MED25: variants seen among roughly 807,000 people sequenced by gnomAD.
MED25 encodes mediator of RNA polymerase II transcription subunit 25.
MED25 carries 62 observed loss-of-function variants against 89.4 expected under a neutral mutation model. That is an observed-to-expected ratio of 0.69 (90% CI 0.57 to 0.86). MED25 has a LOEUF of 0.86. Ranked by LOEUF, MED25 falls within the 40% of genes least tolerant of loss-of-function variation. MED25 has a pLI of 0.00. For missense variants in MED25, 905 were observed against 1,005.2 expected (o/e 0.90, Z 1.35); for synonymous variants, 449 against 427.9 (o/e 1.05, Z -0.61).
In MED25 at chr19:49,835,674, A is replaced by G. The variant is rs993704322; in HGVS notation, c.1747-53A>G. 6.3e-7 allele frequency: 1 copy of G among 1,583,078 alleles called. No individual in the cohort carries two copies. Among genetic ancestry groups the G allele is most frequent in the African/African-American group, 1.4e-5 (1 of 73,928 alleles). On this transcript the variant is annotated intron_variant, in intron 15 of 17. Coordinates refer to ENST00000312865, the MANE Select transcript of MED25 (RefSeq NM_030973.4). This position sits in a 1 kb window ranked among gnomAD's most constrained non-coding sequence, Gnocchi z 6.2. ...CCAAGGCTGCGCTCTGTGCCTGCAG[A>G]AGGGGCGTGAGGCCCTGCCCATCTC...
rs907556000 is a variant in MED25 at position 49,836,212 on chromosome 19, C to T, written c.1966-14C>T. The T allele has an allele frequency of 6.2e-7, 1 of 1,611,416 alleles. No homozygotes were observed. Among genetic ancestry groups the T allele is most frequent in the Non-Finnish European group, 8.5e-7 (1 of 1,179,618 alleles). The stretch of plus-strand genomic sequence containing the variant: ...CTACCAGGAGCCTCTGAGCCACTCT[C>T]TGTGTTCTCCCAGCCGCAGACTGGG... On this transcript the variant is annotated splice_polypyrimidine_tract_variant and intron_variant, in intron 16 of 17. Coordinates refer to ENST00000312865, the MANE Select transcript of MED25 (RefSeq NM_030973.4). The surrounding 1 kb of genome is among the most constrained non-coding windows in gnomAD (Gnocchi z 5.1).
chr19:49,825,933 C>T (rs561942761), intron 3 of MED25, among the ~76,000 whole-genome samples: 2 of 152,026 alleles, frequency 1.3e-5, no homozygotes, highest in Non-Finnish European at 2.9e-5. Context: ...GGTTTTGGCT[C>T]GAGTCCCAGA....
At chr19:49,822,995 T>G (rs2073993736) in intron 3 of MED25, among the ~76,000 whole-genome samples, 1 of 151,328 alleles carries the variant, frequency 6.6e-6, no homozygotes, top group Admixed American at 6.6e-5. Flanking sequence ...GTTGCCCAGA[T>G]TGGAGTGCAG....
Position 49,836,866 on chromosome 19 carries a change from G to T in MED25, c.2166G>T (p.Gly722=), listed in dbSNP as rs779327632. The part of the protein sequence containing the change: ...APLPGQMLLS[G]GPRGPVPQPG... ...CCTCAGGTCAGATGCTGCTGAGCGG[G>T]GGTCCCCGGGGCCCGGTCCCCCAGC... is the stretch of plus-strand genomic sequence containing the variant. Residue 722 remains glycine (G), a synonymous_variant, in exon 18 of 18, where the codon GGG becomes GGT. Transcript: ENST00000312865. This position sits in a 1 kb window ranked among gnomAD's most constrained non-coding sequence, Gnocchi z 5.1. 1 of 1,611,666 alleles carries T rather than the reference G, an allele frequency of 6.2e-7. No individual in the cohort carries two copies. Among genetic ancestry groups the T allele is most frequent in the Non-Finnish European group, 8.5e-7 (1 of 1,179,376 alleles).
Position 49,836,059 on chromosome 19 carries a change from G to T in MED25, c.1965+114G>T. On this transcript the variant is annotated intron_variant, in intron 16 of 17. Transcript: ENST00000312865. The surrounding 1 kb of genome is among the most constrained non-coding windows in gnomAD (Gnocchi z 5.1). ...GGTCAGTGGGTGTGAATGGGGACCC[G>T]CCCAGGGCTTTAGGCAGAAGGCAGA... 6.5e-7 allele frequency: 1 copy of T among 1,547,614 alleles called. No individual in the cohort carries two copies.
At chr19:49,822,292 A>G (rs1319044000) in intron 3 of MED25, among the ~76,000 whole-genome samples, 1 of 119,282 alleles carries the variant, frequency 8.4e-6, no homozygotes, top group Non-Finnish European at 1.7e-5. Context: ...AAACCATACA[A>G]AAATTAATCA....
chr19:49,819,161 T>C lies in MED25; in HGVS notation c.181-11T>C. ...GTCCCAGATTAAAAGTTTTCTGTCC[T>C]CCCCTCCCAGTATGGGGGGACCCAG... On this transcript the variant is annotated splice_polypyrimidine_tract_variant and intron_variant, in intron 2 of 17. Coordinates refer to ENST00000312865, the MANE Select transcript of MED25 (RefSeq NM_030973.4). 1 of 1,614,078 alleles carries C rather than the reference T, an allele frequency of 6.2e-7. No individual in the cohort carries two copies. The highest frequency in any genetic ancestry group is 8.5e-7 in the Non-Finnish European group (1 of 1,179,976).
At chr19:49,818,683 A>C (rs960983157) in intron 2 of MED25, 67 bp downstream of exon 2, 3 of 1,444,458 alleles carry the variant, frequency 2.1e-6, no homozygotes, top group Admixed American at 3.4e-5. Flanking sequence ...GGTCTGAGGG[A>C]GGGAGAAAGG....
downstream of MED25, among the ~76,000 whole-genome samples, chr19:49,837,502 A>C (rs1047232483): frequency 6.6e-6 from 1 of 152,184 alleles, no homozygotes; most frequent in African/African-American, 2.4e-5. Flanking sequence ...CAGGAGAACC[A>C]GGAGGCTTTG....
chr19:49,823,325 T>C (rs1220460757), intron 3 of MED25, among the ~76,000 whole-genome samples: 1 of 152,202 alleles, frequency 6.6e-6, no homozygotes, highest in Non-Finnish European at 1.5e-5. Flanking sequence ...AGGAGGAGAC[T>C]ACCCAGTGTG....
intron 3 of MED25, chr19:49,819,810 G>A (rs1190620378): frequency 5.4e-6 from 1 of 184,900 alleles, no homozygotes; most frequent in Non-Finnish European, 1.1e-5. Context: ...AGATCCCTCT[G>A]TGGCTTGGGT....
intron 3 of MED25, among the ~76,000 whole-genome samples, chr19:49,822,640 CTTTTTTT>C (rs536060694): frequency 2.9e-5 from 2 of 68,246 alleles, no homozygotes; most frequent in African/African-American, 6.3e-5. Context: ...CTGTTACATT[CTTTTTTT>C]TTTTTTTTTT....
intron 3 of MED25, among the ~76,000 whole-genome samples, chr19:49,822,500 C>T (rs1234061250): frequency 6.6e-6 from 1 of 151,916 alleles, no homozygotes; most frequent in Non-Finnish European, 1.5e-5. Flanking sequence ...GTTTTGAACT[C>T]CTGGTCTCAA....
chr19:49,836,890 G>C lies in MED25; in HGVS notation c.2190G>C (p.Gln730His). 6.2e-7 allele frequency: 1 copy of C among 1,612,788 alleles called. No homozygotes were observed. Among genetic ancestry groups the C allele is most frequent in the Non-Finnish European group, 8.5e-7 (1 of 1,179,792 alleles). ...GGGGTCCCCGGGGCCCGGTCCCCCAGCCGGGCCTGCAGCCCAGCGTCATGG... is the reference window on the plus strand; with the variant it reads ...GGGGTCCCCGGGGCCCGGTCCCCCACCCGGGCCTGCAGCCCAGCGTCATGG... ...LSGGPRGPVP[Q>H]PGLQPSVMED... Residue 730 changes from glutamine (Q) to histidine (H), a missense_variant, in exon 18 of 18, where the codon CAG (glutamine) becomes CAC (histidine). Transcript: ENST00000312865. This position sits in a 1 kb window ranked among gnomAD's most constrained non-coding sequence, Gnocchi z 5.1.
chr19:49,821,650 G>T (rs1168521940), intron 3 of MED25, among the ~76,000 whole-genome samples: 1 of 151,488 alleles, frequency 6.6e-6, no homozygotes, highest in Non-Finnish European at 1.5e-5. Context: ...AAGTGCTGGA[G>T]TGCTGAAATT....
chr19:49,819,630 G>C, intron 3 of MED25: 1 of 365,358 alleles, frequency 2.7e-6, no homozygotes, highest in Non-Finnish European at 5.3e-6. Context: ...CAGTTTAGAA[G>C]TAGGAAAAAC....
intron 13 of MED25, among the ~76,000 whole-genome samples, chr19:49,832,692 G>A (rs1387767922): frequency 1.3e-5 from 2 of 152,166 alleles, no homozygotes; most frequent in African/African-American, 4.8e-5. Context: ...GGCTTTATGG[G>A]ATGTGTTCAT....
At position 49,831,916 on chromosome 19, in the gene MED25, T is replaced by C; in HGVS notation, c.1231-20T>C. On this transcript the variant is annotated intron_variant, in intron 10 of 17. Coordinates refer to ENST00000312865, the MANE Select transcript of MED25 (RefSeq NM_030973.4). The surrounding 1 kb of genome is among the most constrained non-coding windows in gnomAD (Gnocchi z 5.0). ...AGGCTTATGGCCCTTTTTACTGACA[T>C]GCTCTTTTTTCCCCCTCAGAAACCC... The C allele has an allele frequency of 1.2e-6, 2 of 1,611,294 alleles. No individual in the cohort carries two copies. Among genetic ancestry groups the C allele is most frequent in the East Asian group, 2.2e-5 (1 of 44,846 alleles).
rs575908777 is a variant in MED25 at position 49,829,005 on chromosome 19, A to T, written c.440A>T (p.Asn147Ile). The stretch of plus-strand genomic sequence containing the variant: ...CACCGGGTCTGCCTCCTCATCTGCA[A>T]CTCACCCCCATACTTGTTGCCTGCT... ...QTHRVCLLIC[N>I]SPPYLLPAVE... The change falls in exon 5 of 18, where the codon AAC becomes ATC. Residue 147 changes from asparagine (N) to isoleucine (I), a missense_variant. By Grantham distance (149) the Asn-to-Ile change is moderately radical. Transcript: ENST00000312865. This position sits in a 1 kb window ranked among gnomAD's most constrained non-coding sequence, Gnocchi z 4.6. 1 of 1,613,690 alleles carries T rather than the reference A, an allele frequency of 6.2e-7. No individual in the cohort carries two copies. Among genetic ancestry groups the T allele is most frequent in the Non-Finnish European group, 8.5e-7 (1 of 1,179,944 alleles).
Sources: gnomAD v4.1 joint callset for allele counts (sites outside exome capture counted in the v4.1 genomes callset) on GRCh38, gnomAD v4.1.1 for gene constraint, Gnocchi (gnomAD v3.1) non-coding constraint, MANE v1.5 for transcripts, NCBI Gene and HGNC (gene_info 2026-07-23, HGNC 2026-07-21) for gene names.